SMTN: variants seen among roughly 807,000 people sequenced by gnomAD.
SMTN encodes smoothelin.
Under a neutral mutation model 102.0 loss-of-function variants are expected in SMTN, and 58 were observed. The observed-to-expected ratio is 0.57, with a 90% CI of 0.46 to 0.71. The LOEUF (loss-of-function observed/expected upper bound fraction) is 0.71. SMTN is among the 30% of genes least tolerant of loss of function. The probability of loss-of-function intolerance (pLI) is 0.00; values close to 1 mark genes in which losing one functional copy is unlikely to be tolerated. For synonymous variants in SMTN, 478 were observed against 497.9 expected (o/e 0.96, Z 0.53); for missense variants, 1,185 against 1,241.7 (o/e 0.95, Z 0.69).
At chr22:31,098,600 G>A (rs1324021853) in intron 16 of SMTN, 67 bp from the exon 17 acceptor site, 1 of 1,525,346 alleles carries the variant, frequency 6.6e-7, no homozygotes, top group African/African-American at 1.4e-5. Flanking sequence ...TCCTCCTCGC[G>A]AGTGGTGGTC....
intron 1 of SMTN, among the ~76,000 whole-genome samples, chr22:31,074,808 A>AAACAAC (rs990112172): frequency 2.1e-5 from 2 of 97,000 alleles, no homozygotes; most frequent in Admixed American, 8.5e-5. Flanking sequence ...AAAACAACAA[A>AAACAAC]AACAACAACA....
chr22:31,085,106 G>A, intron 2 of SMTN: 4 of 1,535,122 alleles, frequency 2.6e-6, no homozygotes, highest in Non-Finnish European at 3.5e-6. Flanking sequence ...GGACTTGCAC[G>A]CCGCGTGCCC....
chr22:31,104,276 GT>G, intron 20 of SMTN, 39 bp from the exon 21 acceptor site: 1 of 1,605,760 alleles, frequency 6.2e-7, no homozygotes, highest in African/African-American at 1.3e-5. Flanking sequence ...CGAGAGGCGG[GT>G]CTGGCGCTGA....
chr22:31,096,753 G>A lies in SMTN; in HGVS notation c.1882G>A (p.Glu628Lys), dbSNP rs762560423. ...RKRDQRDKER[E>K]RRLQEARGRP... ...CCCAGACCAGCGGGACAAGGAGCGG[G>A]AACGGCGGCTGCAGGAGGCACGGGG... Residue 628 changes from glutamate to lysine, a missense_variant, in exon 14 of 21, where the codon GAA (glutamate) becomes AAA (lysine). This residue lies in a region of SMTN where 1,096 missense variants were observed against 1,112.7 expected (regional missense o/e 0.98). Coordinates refer to ENST00000333137, the MANE Select transcript of SMTN (RefSeq NM_134269.3). 1.3e-6 allele frequency: 2 copies of A among 1,553,548 alleles called. No individual in the cohort carries two copies. Among genetic ancestry groups the A allele is most frequent in the South Asian group, 1.2e-5 (1 of 82,216 alleles).
At position 31,095,410 on chromosome 22, in the gene SMTN, T is replaced by A. The variant is rs763128674; in HGVS notation, c.1740T>A (p.Ala580=). Residue 580 remains alanine (A), a synonymous_variant, in exon 12 of 21, where the codon GCT becomes GCA. Coordinates refer to ENST00000333137, the MANE Select transcript of SMTN (RefSeq NM_134269.3). The surrounding 1 kb of genome is among the most constrained non-coding windows in gnomAD (Gnocchi z 4.1). ...CAGAAGGGCGGAGCCCTCTGAGCGC[T>A]GAGGAGCTGATGACTATTGAGGATG... ...KAPEGRSPLS[A]EELMTIEDEG... 5.6e-6 allele frequency: 9 copies of A among 1,614,218 alleles called. No homozygotes were observed. The Admixed American group carries it at 1.3e-4, about 24-fold the overall frequency.
intron 6 of SMTN, 142 bp from the exon 7 acceptor site, chr22:31,089,557 C>T (rs981977086): frequency 1.8e-5 from 13 of 720,422 alleles, no homozygotes; most frequent in East Asian, 7.5e-5. Flanking sequence ...CCAGTGCTTG[C>T]GCAGGTGTGC....
At chr22:31,087,749 T>C in intron 2 of SMTN, 1 of 468,732 alleles carries the variant, frequency 2.1e-6, no homozygotes, top group Non-Finnish European at 3.7e-6. Context: ...TTGTGTGCTC[T>C]GTGAACCACA....
At position 31,099,197 on chromosome 22, in the gene SMTN, A is replaced by G. The variant is rs969374233; in HGVS notation, c.2451+18A>G. On this transcript the variant is annotated intron_variant, in intron 18 of 20. Transcript: ENST00000333137. ...GCTACGAGGTGAGCCCCGGGAGGCC[A>G]GGGGGCCTGGAGGCCTCCCCAGACC... is the stretch of plus-strand genomic sequence containing the variant. The G allele has an allele frequency of 4.4e-6, 7 of 1,578,774 alleles. No individual in the cohort carries two copies. Among genetic ancestry groups the G allele is most frequent in the Non-Finnish European group, 6.1e-6 (7 of 1,150,940 alleles).
intron 11 of SMTN, among the ~76,000 whole-genome samples, chr22:31,092,989 G>A (rs771321924): frequency 6.6e-5 from 10 of 152,250 alleles, no homozygotes; most frequent in Non-Finnish European, 1.5e-4. Context: ...AACAGCTGGA[G>A]TTAGGGTAAA....
Position 31,081,445 on chromosome 22 carries a change from C to CTGGACTGAGAGG in SMTN, c.-88_-81+4dup, listed in dbSNP as rs1256763738. The CTGGACTGAGAGG allele has an allele frequency of 2.0e-5, 3 of 152,358 alleles. No individual in the cohort carries two copies. Among genetic ancestry groups the CTGGACTGAGAGG allele is most frequent in the Admixed American group, 6.5e-5 (1 of 15,282 alleles). 9.4% of individuals were successfully genotyped at this position (152,358 alleles called of 1,614,324 possible). A position where few individuals can be genotyped will look rare whatever the true frequency, so the allele number is the denominator to read the frequency against. ...GCCGAGCCTGCGCCGGACGGGTGGG[C>CTGGACTGAGAGG]TGGACTGAGAGGTGGGTGTGCGGAC... On this transcript the variant is annotated 5_prime_UTR_variant, in exon 1 of 21. Coordinates refer to ENST00000333137, the MANE Select transcript of SMTN (RefSeq NM_134269.3).
At chr22:31,087,340 A>G (rs1373122488) in intron 2 of SMTN, 1 of 152,304 alleles carries the variant, frequency 6.6e-6, no homozygotes, top group East Asian at 1.9e-4. Context: ...GCCACCTTAT[A>G]TGTCTGGGGG....
chr22:31,069,487 C>T (rs2041947227), intron 1 of SMTN, among the ~76,000 whole-genome samples: 1 of 152,168 alleles, frequency 6.6e-6, no homozygotes, highest in Admixed American at 6.5e-5. Context: ...ACGATGAATT[C>T]GAAAAGCTTT....
chr22:31,070,738 A>G (rs1193704123), intron 1 of SMTN, among the ~76,000 whole-genome samples: 1 of 151,910 alleles, frequency 6.6e-6, no homozygotes, highest in East Asian at 1.9e-4. Context: ...AGCCTGGCCA[A>G]CATCTTGAAA....
intron 1 of SMTN, among the ~76,000 whole-genome samples, chr22:31,081,912 C>T (rs1602585197): frequency 6.6e-6 from 1 of 152,310 alleles, no homozygotes; most frequent in Non-Finnish European, 1.5e-5. Flanking sequence ...AGAGGTTTAA[C>T]CCAGACAGAG....
At position 31,088,753 on chromosome 22, in the gene SMTN, C is replaced by G; in HGVS notation, c.349C>G (p.Arg117Gly). The G allele has an allele frequency of 1.9e-6, 3 of 1,613,000 alleles. No homozygotes were observed. Among genetic ancestry groups the G allele is most frequent in the Non-Finnish European group, 2.5e-6 (3 of 1,179,506 alleles). ...CAAGCTGATCCGAGCTGCCATCCGCCGTGTACGGGCTCAGGAGATTGAGGG... is the reference window on the plus strand; with the variant it reads ...CAAGCTGATCCGAGCTGCCATCCGCGGTGTACGGGCTCAGGAGATTGAGGG... ...ERKLIRAAIRRVRAQEIEAAT... is the reference protein window; with the variant it reads ...ERKLIRAAIRGVRAQEIEAAT... The change falls in exon 5 of 21, where the codon CGT becomes GGT. Residue 117 changes from arginine to glycine, a missense_variant. Physicochemically the swap from Arg to Gly is moderately radical, Grantham distance 125 (BLOSUM62 -2). This residue lies in a region of SMTN where 1,096 missense variants were observed against 1,112.7 expected (regional missense o/e 0.98). Transcript: ENST00000333137.
Position 31,099,079 on chromosome 22 carries a change from G to A in SMTN, c.2351G>A (p.Arg784His), listed in dbSNP as rs1212950481. The change falls in exon 18 of 21, where the codon CGC becomes CAC. Residue 784 changes from arginine (R) to histidine (H), a missense_variant. This residue lies in a region of SMTN where 1,096 missense variants were observed against 1,112.7 expected (regional missense o/e 0.98). Transcript: ENST00000333137. ...EGAAGSPGGP[R>H]AAVQRSTSFG... ...CCCTACAGCAGCCCTGGCGGACCCC[G>A]CGCAGCCGTGCAGCGATCCACCAGC... 1 of 1,612,218 alleles carries A rather than the reference G, an allele frequency of 6.2e-7. No individual in the cohort carries two copies. The highest frequency in any genetic ancestry group is 8.5e-7 in the Non-Finnish European group (1 of 1,179,880).
chr22:31,080,950 G>A (rs1033811424), upstream of SMTN, among the ~76,000 whole-genome samples: 5 of 152,142 alleles, frequency 3.3e-5, no homozygotes, highest in Non-Finnish European at 5.9e-5. Flanking sequence ...TGGAGTCGAG[G>A]GAGGGGACGT....
chr22:31,064,396 A>C (rs2041793588), intron 1 of SMTN: 1 of 152,216 alleles, frequency 6.6e-6, no homozygotes, highest in African/African-American at 2.4e-5. Context: ...AGAGATTCTA[A>C]ATGCCACCTC....
chr22:31,096,410 C>G lies in SMTN; in HGVS notation c.1862-323C>G, dbSNP rs909515849. On this transcript the variant is annotated intron_variant, in intron 13 of 20. Coordinates refer to ENST00000333137, the MANE Select transcript of SMTN (RefSeq NM_134269.3). ...CTCCTTCCTTGGACTCAGCTACCCC[C>G]TCACTAGATCTAGATACCCCTCCTG... 3 of 265,794 alleles carry G rather than the reference C, an allele frequency of 1.1e-5. No individual in the cohort carries two copies. The East Asian group carries it at 2.1e-4, about 19-fold the overall frequency. The allele number at this position is 265,794 out of a possible 1,614,324, so 16.5% of individuals were successfully genotyped here. A position where few individuals can be genotyped will look rare whatever the true frequency, so the allele number is the denominator to read the frequency against.
Sources: gnomAD v4.1 joint callset for allele counts (sites outside exome capture counted in the v4.1 genomes callset) on GRCh38, gnomAD v4.1.1 for gene constraint, gnomAD v4.1.1 regional missense constraint, Gnocchi (gnomAD v3.1) non-coding constraint, MANE v1.5 for transcripts, NCBI Gene and HGNC (gene_info 2026-07-23, HGNC 2026-07-21) for gene names.